The following PLS1 variants were observed in gnomAD, a reference collection of about 807,000 sequenced individuals.
PLS1 encodes the protein plastin 1.
PLS1 carries 32 observed loss-of-function variants against 73.7 expected under a neutral mutation model. That is an observed-to-expected ratio of 0.43 (90% CI 0.33 to 0.58). The LOEUF (loss-of-function observed/expected upper bound fraction) is 0.58. Ranked by LOEUF, PLS1 falls within the 20% of genes least tolerant of loss-of-function variation. The pLI is 0.04. For missense variants in PLS1, 633 were observed against 740.5 expected, an observed-to-expected ratio of 0.85 and a Z score of 1.68; for synonymous variants, 217 against 261.3, an observed-to-expected ratio of 0.83 and a Z score of 1.63.
chr3:142,606,297 G>A (rs951371945), intron 1 of PLS1, among the ~76,000 whole-genome samples: 1 of 152,026 alleles, frequency 6.6e-6, no homozygotes. Context: ...TTTTGAGTAT[G>A]TTATGTCCTG....
At chr3:142,637,136 A>G (rs547429926) in intron 1 of PLS1, among the ~76,000 whole-genome samples, 1 of 152,328 alleles carries the variant, frequency 6.6e-6, no homozygotes, top group East Asian at 1.9e-4. Context: ...GCTTTTTTGT[A>G]ATAACCAAAA....
At chr3:142,672,036 A>T (rs2037613692) in intron 4 of PLS1, among the ~76,000 whole-genome samples, 1 of 152,206 alleles carries the variant, frequency 6.6e-6, no homozygotes, top group East Asian at 1.9e-4. Context: ...TCTGCCTGTC[A>T]ATTCTACTGA....
chr3:142,640,958 C>T (rs913280271), intron 1 of PLS1, among the ~76,000 whole-genome samples: 3 of 151,674 alleles, frequency 2.0e-5, no homozygotes, highest in South Asian at 2.1e-4. Flanking sequence ...AGAGACCAGC[C>T]TGGTTAAAAG....
At chr3:142,680,891 A>T (rs1049987807) in intron 6 of PLS1, among the ~76,000 whole-genome samples, 1 of 152,166 alleles carries the variant, frequency 6.6e-6, no homozygotes, top group African/African-American at 2.4e-5. Context: ...CTCATTTCTT[A>T]ATCACTGTGT....
At chr3:142,624,320 A>G (rs574273835) in intron 1 of PLS1, among the ~76,000 whole-genome samples, 1 of 152,322 alleles carries the variant, frequency 6.6e-6, no homozygotes, top group African/African-American at 2.4e-5. Flanking sequence ...ATTTTCTTAT[A>G]AATAGTGTAC....
Position 142,608,380 on chromosome 3 carries a change from AAAGTT to A in PLS1, c.-37+11874_-37+11878del, listed in dbSNP as rs2036062011. Reference sequence around the variant, plus strand: ...TGTTGTTTTGCTTGTAATAAAACATAAAGTTAATAGAAATTCACATTAACTTTTAG... The same window carrying A: ...TGTTGTTTTGCTTGTAATAAAACATAAATAGAAATTCACATTAACTTTTAG... On this transcript the variant is annotated intron_variant, in intron 1 of 15. Transcript: ENST00000457734. 2.0e-5 allele frequency among the ~76,000 whole-genome samples: 3 copies of A among 152,242 alleles called. No homozygotes were observed. The South Asian group carries it at 6.2e-4, about 32-fold the overall frequency.
intron 12 of PLS1, among the ~76,000 whole-genome samples, chr3:142,700,852 T>TC (rs1035285931): frequency 2.6e-5 from 4 of 152,148 alleles, no homozygotes; most frequent in Non-Finnish European, 1.5e-5. Flanking sequence ...TGGGGGCAGT[T>TC]CCCCCATACT....
chr3:142,703,630 T>C (rs2038382854), intron 12 of PLS1, among the ~76,000 whole-genome samples: 1 of 152,178 alleles, frequency 6.6e-6, no homozygotes, highest in Admixed American at 6.5e-5. Context: ...GGAAGGGATC[T>C]TAAAACTTTC....
At position 142,704,549 on chromosome 3, in the gene PLS1, A is replaced by G; in HGVS notation, c.1592A>G (p.Lys531Arg). ...IIIKWVNQTL[K>R]SANKKTSISS... ...ATTAAATGGGTCAATCAGACTCTTAAAAGTGCAAACAAAAAGACTTCTATT... is the reference window on the plus strand; with the variant it reads ...ATTAAATGGGTCAATCAGACTCTTAGAAGTGCAAACAAAAAGACTTCTATT... The change falls in exon 14 of 16, where the codon AAA becomes AGA. Residue 531 changes from lysine (K) to arginine (R), a missense_variant. Lys to Arg is a conservative substitution (Grantham distance 26). Coordinates refer to ENST00000457734, the MANE Select transcript of PLS1 (RefSeq NM_001145319.2). 1 of 1,604,032 alleles carries G rather than the reference A, an allele frequency of 6.2e-7. No homozygotes were observed. The highest frequency in any genetic ancestry group is 8.5e-7 in the Non-Finnish European group (1 of 1,173,944).
intron 1 of PLS1, among the ~76,000 whole-genome samples, chr3:142,635,960 G>A (rs2036678708): frequency 6.6e-6 from 1 of 152,108 alleles, no homozygotes; most frequent in Admixed American, 6.6e-5. Context: ...CATCATCATA[G>A]CTCACTGCAG....
At chr3:142,695,901 T>C (rs58571552) in intron 11 of PLS1, among the ~76,000 whole-genome samples, 3,274 of 152,170 alleles carry the variant, frequency 0.022, 119 homozygotes, top group African/African-American at 0.074. Context: ...TTCAAGTGAT[T>C]CTCCTGCCTC....
rs752575811 is a variant in PLS1 at position 142,670,980 on chromosome 3, T to C, written c.235-13T>C. ...ATTATCTGATTCTCAATTTTACTTATGTTCCATTCCAGCTAATGCAAGAAT... is the reference window on the plus strand; with the variant it reads ...ATTATCTGATTCTCAATTTTACTTACGTTCCATTCCAGCTAATGCAAGAAT... On this transcript the variant is annotated splice_polypyrimidine_tract_variant and intron_variant, in intron 3 of 15. Coordinates refer to ENST00000457734, the MANE Select transcript of PLS1 (RefSeq NM_001145319.2). The C allele has an allele frequency of 8.3e-6, 13 of 1,559,164 alleles. No homozygotes were observed. The highest frequency in any genetic ancestry group is 5.4e-5 in the African/African-American group (4 of 73,548).
chr3:142,703,445 G>A (rs755462632), intron 12 of PLS1, among the ~76,000 whole-genome samples: 2 of 151,902 alleles, frequency 1.3e-5, no homozygotes, highest in Non-Finnish European at 2.9e-5. Context: ...ACAGGCACCC[G>A]CCACCACACC....
chr3:142,693,887 C>G (rs577927978), intron 10 of PLS1, among the ~76,000 whole-genome samples: 54 of 152,110 alleles, frequency 3.6e-4, no homozygotes, highest in Non-Finnish European at 7.2e-4. Context: ...TAATGATAAT[C>G]TAAACTAACT....
chr3:142,647,503 C>CTTTT (rs375387869), intron 1 of PLS1, among the ~76,000 whole-genome samples: 5 of 141,946 alleles, frequency 3.5e-5, no homozygotes, highest in Non-Finnish European at 3.0e-5. Context: ...TTTTTCTTTT[C>CTTTT]TTTTTTTTTT....
At chr3:142,621,689 A>G (rs1436961172) in intron 1 of PLS1, among the ~76,000 whole-genome samples, 1 of 152,210 alleles carries the variant, frequency 6.6e-6, no homozygotes, top group Non-Finnish European at 1.5e-5. Flanking sequence ...TTTAGATTTT[A>G]TTATTTTCCA....
At chr3:142,676,939 CT>C (rs1033845315) in intron 5 of PLS1, among the ~76,000 whole-genome samples, 17 of 151,182 alleles carry the variant, frequency 1.1e-4, no homozygotes, top group East Asian at 5.8e-4. Context: ...TTCCTTCAGT[CT>C]TTTTTTTTAT....
intron 12 of PLS1, among the ~76,000 whole-genome samples, chr3:142,701,396 G>A (rs572907303): frequency 1.3e-5 from 2 of 152,292 alleles, no homozygotes; most frequent in Non-Finnish European, 2.9e-5. Flanking sequence ...AATCTGAAAT[G>A]CTCCAGTTAG....
Position 142,684,162 on chromosome 3 carries a change from A to G in PLS1, c.736A>G (p.Arg246Gly). Residue 246 changes from arginine to glycine, a missense_variant, in exon 7 of 16, where the codon AGG becomes GGG. Arg to Gly is a moderately radical substitution (Grantham distance 125, BLOSUM62 -2). Coordinates refer to ENST00000457734, the MANE Select transcript of PLS1 (RefSeq NM_001145319.2). ...CCTTTTTGCTGATATTGAGATTTCCAGGAATGAAGGTAAGATCATTAGAAA... is the reference window on the plus strand; with the variant it reads ...CCTTTTTGCTGATATTGAGATTTCCGGGAATGAAGGTAAGATCATTAGAAA... ...VGLFADIEIS[R>G]NEALIALLNE... The G allele has an allele frequency of 6.2e-7, 1 of 1,614,048 alleles. No homozygotes were observed. The highest frequency in any genetic ancestry group is 8.5e-7 in the Non-Finnish European group (1 of 1,179,932).
Sources: gnomAD v4.1 joint callset for allele counts (sites outside exome capture counted in the v4.1 genomes callset) on GRCh38, gnomAD v4.1.1 for gene constraint, MANE v1.5 for transcripts, NCBI Gene and HGNC (gene_info 2026-07-23, HGNC 2026-07-21) for gene names.